Variants in SCAI observed in about 807,000 individuals in gnomAD.
The protein encoded by SCAI is protein SCAI.
SCAI carries 24 observed loss-of-function variants against 92.2 expected under a neutral mutation model. The observed-to-expected ratio is 0.26, with a 90% CI of 0.19 to 0.37. The LOEUF (loss-of-function observed/expected upper bound fraction) is 0.37. Among genes scored for constraint, SCAI ranks in the 10% least tolerant of loss-of-function variants. The pLI, the probability that SCAI is intolerant of heterozygous loss-of-function variation, is 1.00. For synonymous variants in SCAI, 261 were observed against 258.6 expected (o/e 1.01, Z -0.09); for missense variants, 450 against 736.2 (o/e 0.61, Z 4.50).
Position 124,976,101 on chromosome 9 carries a change from T to C in SCAI, c.1399+13A>G, listed in dbSNP as rs1343785934. 1 of 1,563,786 alleles carries C rather than the reference T, an allele frequency of 6.4e-7. No individual in the cohort carries two copies. Among genetic ancestry groups the C allele is most frequent in the Admixed American group, 1.7e-5 (1 of 59,914 alleles). ...TGCAACCTATGGCTATACCAGGCAA[T>C]GAGGGTACATACCTTGTAAAGCTTT... On this transcript the variant is annotated intron_variant, in intron 15 of 17. Transcript: ENST00000336505.
chr9:125,069,217 C>T (rs1048704685), intron 2 of SCAI, among the ~76,000 whole-genome samples: 3 of 151,244 alleles, frequency 2.0e-5, no homozygotes, highest in African/African-American at 2.4e-5. Flanking sequence ...GACTCCATCT[C>T]AAGAAAAGAA....
intron 13 of SCAI, among the ~76,000 whole-genome samples, chr9:124,996,133 C>T (rs533083036): frequency 2.2e-5 from 3 of 137,788 alleles, no homozygotes; most frequent in South Asian, 2.3e-4. Flanking sequence ...TTAATGCATA[C>T]ATGTATAGTG....
chr9:125,038,203 G>A (rs1466230975), intron 3 of SCAI, among the ~76,000 whole-genome samples: 2 of 152,162 alleles, frequency 1.3e-5, no homozygotes, highest in African/African-American at 4.8e-5. Flanking sequence ...GCTGCAGTGA[G>A]CCAAGATTGC....
At chr9:125,070,650 C>G (rs373771473) in intron 2 of SCAI, among the ~76,000 whole-genome samples, 1 of 152,052 alleles carries the variant, frequency 6.6e-6, no homozygotes, top group Non-Finnish European at 1.5e-5. Context: ...CCACCTACCT[C>G]GACCTCCCAG....
chr9:125,121,809 C>G (rs910648191), intron 2 of SCAI, among the ~76,000 whole-genome samples: 27 of 152,114 alleles, frequency 1.8e-4, no homozygotes, highest in African/African-American at 6.5e-4. Flanking sequence ...GCCGGGAGAT[C>G]ATGCCACTGC....
At chr9:125,090,792 G>C in intron 2 of SCAI, among the ~76,000 whole-genome samples, 1 of 152,078 alleles carries the variant, frequency 6.6e-6, no homozygotes, top group Non-Finnish European at 1.5e-5. Flanking sequence ...TCTTTTTAGA[G>C]GTTTTTGAGA....
intron 3 of SCAI, among the ~76,000 whole-genome samples, chr9:125,042,275 A>G (rs1469940320): frequency 6.6e-6 from 1 of 152,144 alleles, no homozygotes; most frequent in African/African-American, 2.4e-5. Context: ...AACTCAGGAG[A>G]CTATGGTAGG....
At chr9:125,112,698 T>C (rs1413372922) in intron 2 of SCAI, among the ~76,000 whole-genome samples, 1 of 152,224 alleles carries the variant, frequency 6.6e-6, no homozygotes, top group Non-Finnish European at 1.5e-5. Flanking sequence ...AGCTCTTGGC[T>C]TCTAATACCA....
At chr9:125,118,484 T>C (rs1402699211) in intron 2 of SCAI, among the ~76,000 whole-genome samples, 2 of 151,712 alleles carry the variant, frequency 1.3e-5, no homozygotes, top group East Asian at 3.9e-4. Context: ...GCCACTGCAT[T>C]CCAGCCTGGG....
intron 2 of SCAI, among the ~76,000 whole-genome samples, chr9:125,130,450 G>A (rs1459189316): frequency 6.6e-6 from 1 of 151,864 alleles, no homozygotes; most frequent in Non-Finnish European, 1.5e-5. Flanking sequence ...AACTAAAACA[G>A]GTGAATTTCA....
intron 14 of SCAI, among the ~76,000 whole-genome samples, chr9:124,982,394 G>A (rs916703890): frequency 3.3e-5 from 5 of 152,026 alleles, no homozygotes; most frequent in South Asian, 4.2e-4. Context: ...TTATTGGGCC[G>A]GGCACGGTGG....
intron 15 of SCAI, among the ~76,000 whole-genome samples, chr9:124,974,667 T>C (rs182476904): frequency 1.7e-4 from 26 of 152,246 alleles, no homozygotes; most frequent in African/African-American, 5.1e-4. Context: ...AACAATTAAT[T>C]TAAGGTGTTA....
intron 3 of SCAI, among the ~76,000 whole-genome samples, chr9:125,038,027 C>G (rs903989094): frequency 2.6e-5 from 4 of 151,988 alleles, no homozygotes. Flanking sequence ...GGGGCCAAGG[C>G]GGACAGATCA....
intron 2 of SCAI, among the ~76,000 whole-genome samples, chr9:125,138,922 A>G (rs80266137): frequency 0.013 from 1,958 of 152,286 alleles, 101 homozygotes; most frequent in Admixed American, 0.082. Context: ...TGATCTCGCA[A>G]ACTACATTTG....
chr9:125,097,523 T>C (rs1834584175), intron 2 of SCAI, among the ~76,000 whole-genome samples: 1 of 152,108 alleles, frequency 6.6e-6, no homozygotes, highest in South Asian at 2.1e-4. Flanking sequence ...TTTAAAGGCC[T>C]GAAATAGATA....
intron 13 of SCAI, among the ~76,000 whole-genome samples, chr9:124,996,190 C>T (rs1026609480): frequency 1.1e-4 from 13 of 114,896 alleles, no homozygotes; most frequent in Admixed American, 7.3e-4. Context: ...ACACCGTTAC[C>T]CTTCGTGTGT....
intron 9 of SCAI, among the ~76,000 whole-genome samples, chr9:125,015,375 C>T (rs373889896): frequency 1.3e-5 from 2 of 152,058 alleles, no homozygotes; most frequent in Admixed American, 6.6e-5. Flanking sequence ...GGGTGAAGGA[C>T]ATGAACAGAC....
At chr9:125,055,820 G>A in intron 3 of SCAI, 56 bp downstream of exon 3, 2 of 1,472,206 alleles carry the variant, frequency 1.4e-6, no homozygotes, top group African/African-American at 1.4e-5. Flanking sequence ...ACATCAGCCA[G>A]AAAAAAAACA....
At chr9:125,076,537 C>A (rs950440440) in intron 2 of SCAI, among the ~76,000 whole-genome samples, 5 of 150,670 alleles carry the variant, frequency 3.3e-5, no homozygotes, top group African/African-American at 7.3e-5. Flanking sequence ...GTGTGGCCTG[C>A]ACTTCCAAAA....
Sources: allele counts gnomAD v4.1 joint callset (sites outside exome capture counted in the v4.1 genomes callset), GRCh38; gene constraint gnomAD v4.1.1; transcripts MANE v1.5; gene names NCBI Gene and HGNC (gene_info 2026-07-23, HGNC 2026-07-21).